Variants in NRXN2 observed in about 807,000 individuals in gnomAD.
The protein encoded by NRXN2 is neurexin-2-beta.
A neutral mutation model predicts 128.8 loss-of-function variants in NRXN2; 29 were observed. The observed-to-expected ratio is 0.23, with a 90% CI of 0.17 to 0.31. The LOEUF is 0.31. Among genes scored for constraint, NRXN2 ranks in the 10% least tolerant of loss-of-function variants. The pLI, the probability that NRXN2 is intolerant of heterozygous loss-of-function variation, is 1.00. For missense variants in NRXN2, 1,881 were observed against 2,452.6 expected, an observed-to-expected ratio of 0.77 and a Z score of 4.92; for synonymous variants, 1,098 against 1,075.2, an observed-to-expected ratio of 1.02 and a Z score of -0.41.
chr11:64,659,759 T>C (rs1346882061), intron 11 of NRXN2: 2 of 164,488 alleles, frequency 1.2e-5, no homozygotes, highest in South Asian at 1.6e-4. Context: ...TGAAAGCTCA[T>C]GGCACTAGAA....
At chr11:64,642,495 G>GC in intron 17 of NRXN2, 2 of 1,581,538 alleles carry the variant, frequency 1.3e-6, no homozygotes, top group African/African-American at 1.4e-5. Context: ...AGCGCCCCCC[G>GC]CCCCCGGGCC....
At chr11:64,719,674 G>A (rs888926026) in intron 1 of NRXN2, among the ~76,000 whole-genome samples, 13 of 152,198 alleles carry the variant, frequency 8.5e-5, no homozygotes, top group African/African-American at 2.9e-4. Flanking sequence ...CAGGTGCATG[G>A]GAGCATGGAG....
intron 3 of NRXN2, among the ~76,000 whole-genome samples, chr11:64,697,559 A>G (rs1376635098): frequency 6.6e-6 from 1 of 152,014 alleles, no homozygotes; most frequent in African/African-American, 2.4e-5. Flanking sequence ...GAGGGAAAGG[A>G]AGAAGAAAGG....
intron 7 of NRXN2, 57 bp from the exon 8 acceptor site, chr11:64,668,661 G>T: frequency 6.2e-7 from 1 of 1,602,624 alleles, no homozygotes. Flanking sequence ...CAAATCCCTA[G>T]GAAGAGCTAC....
At chr11:64,688,725 C>A in intron 5 of NRXN2, 2 of 985,306 alleles carry the variant, frequency 2.0e-6, no homozygotes, top group Non-Finnish European at 2.4e-6. Context: ...GTCTGTAGCC[C>A]TACAAGTGTC....
rs1038721557 is a variant in NRXN2, at chr11:64,622,076, G to C, written c.4173+677C>G. Among the ~76,000 whole-genome samples, 1 of 152,298 alleles carries C rather than the reference G, an allele frequency of 6.6e-6. No individual in the cohort carries two copies. Among genetic ancestry groups the C allele is most frequent in the Non-Finnish European group, 1.5e-5 (1 of 68,020 alleles). On this transcript the variant is annotated intron_variant, in intron 21 of 22. Transcript: ENST00000265459. This position sits in a 1 kb window ranked among gnomAD's most constrained non-coding sequence, Gnocchi z 4.3. Reference sequence around the variant, plus strand: ...GATCAGCAGGTGGGGTGAGCACCAGGGAACTGTCTGCACTGAGACCCCCTC... The same window carrying C: ...GATCAGCAGGTGGGGTGAGCACCAGCGAACTGTCTGCACTGAGACCCCCTC...
At chr11:64,710,669 G>C (rs1220665432) in intron 2 of NRXN2, among the ~76,000 whole-genome samples, 2 of 152,136 alleles carry the variant, frequency 1.3e-5, no homozygotes, top group African/African-American at 2.4e-5. Flanking sequence ...AGAGGAACCA[G>C]AGGATCAAAT....
intron 21 of NRXN2, 109 bp from the exon 22 acceptor site, chr11:64,620,481 A>ACGGACCAGACTGGTCTGAGT: frequency 6.0e-6 from 5 of 837,226 alleles, no homozygotes; most frequent in Non-Finnish European, 9.9e-6. Context: ...CTGGGCTGAG[A>ACGGACCAGACTGGTCTGAGT]CGGACCAGAC....
chr11:64,656,983 C>T (rs890713307), intron 11 of NRXN2, among the ~76,000 whole-genome samples: 4 of 152,002 alleles, frequency 2.6e-5, no homozygotes, highest in African/African-American at 9.7e-5. Context: ...AGTGGTCACC[C>T]GCAGCCTCCG....
rs1333912993 is a variant in NRXN2, at chr11:64,652,824, CA to C, written c.2417-671del. Among the ~76,000 whole-genome samples the C allele has an allele frequency of 8.5e-5, 13 of 152,232 alleles. No homozygotes were observed. In the East Asian group the frequency reaches 1.9e-3, roughly 23 times the overall value. On this transcript the variant is annotated intron_variant, in intron 12 of 22. Coordinates refer to ENST00000265459, the MANE Select transcript of NRXN2 (RefSeq NM_015080.4). ...GGTTCTGTTTCTTAGGAACTATGGC[CA>C]TTTACTCAAGACCAGGATTATCAGC...
At chr11:64,719,949 A>G (rs2057392177) in intron 1 of NRXN2, among the ~76,000 whole-genome samples, 1 of 152,228 alleles carries the variant, frequency 6.6e-6, no homozygotes, top group Non-Finnish European at 1.5e-5. Context: ...TCTTACAAAT[A>G]CCTCAAAGTA....
At chr11:64,671,749 TG>T (rs2050668475) in intron 7 of NRXN2, among the ~76,000 whole-genome samples, 1 of 151,616 alleles carries the variant, frequency 6.6e-6, no homozygotes, top group Non-Finnish European at 1.5e-5. Context: ...CTTCCGATGA[TG>T]GGGGGAAAGA....
Position 64,656,834 on chromosome 11 carries a change from G to C in NRXN2, c.2390-3112C>G, listed in dbSNP as rs74753329. 8.3e-3 allele frequency among the ~76,000 whole-genome samples: 1,260 copies of C among 152,318 alleles called. 20 individuals are homozygous for C. Among genetic ancestry groups the C allele is most frequent in the African/African-American group, 0.029 (1,207 of 41,558 alleles). ...CTTGCTCAGTGTTTGCAAACATAGT[G>C]GGGGCTGGGAAGCTGCAGCAGGAGG... On this transcript the variant is annotated intron_variant, in intron 11 of 22. Transcript: ENST00000265459.
chr11:64,641,591 T>G (rs1363681729), intron 17 of NRXN2, among the ~76,000 whole-genome samples: 2 of 150,880 alleles, frequency 1.3e-5, no homozygotes, highest in Admixed American at 1.3e-4. Flanking sequence ...AGAGATGGCA[T>G]GCAGAGAATC....
chr11:64,690,375 G>A, intron 5 of NRXN2, 30 bp downstream of exon 5: 1 of 1,599,066 alleles, frequency 6.3e-7, no homozygotes, highest in East Asian at 2.2e-5. Flanking sequence ...ATGAGGGCTG[G>A]GCTCTCTGGG....
intron 3 of NRXN2, among the ~76,000 whole-genome samples, chr11:64,696,564 C>CACACACACACACACACACA (rs1592182227): frequency 6.7e-6 from 1 of 150,312 alleles, no homozygotes; most frequent in South Asian, 2.1e-4. Flanking sequence ...CACACACACA[C>CACACACACACACACACACA]CTGCCTGCTG....
chr11:64,717,640 G>A (rs540147328), intron 1 of NRXN2, among the ~76,000 whole-genome samples: 4 of 152,168 alleles, frequency 2.6e-5, no homozygotes, highest in Non-Finnish European at 2.9e-5. Flanking sequence ...ATTTTCCCAC[G>A]GCGAGGCCAG....
intron 2 of NRXN2, among the ~76,000 whole-genome samples, chr11:64,702,040 C>T (rs1373932036): frequency 3.4e-5 from 5 of 149,242 alleles, no homozygotes; most frequent in African/African-American, 7.4e-5. Context: ...CCGCCCCGTC[C>T]GGGAGGTGAG....
chr11:64,652,139 G>A lies in NRXN2; in HGVS notation c.2432C>T (p.Thr811Met), dbSNP rs375234912. 4.6e-5 allele frequency: 74 copies of A among 1,612,732 alleles called. No homozygotes were observed. The highest frequency in any genetic ancestry group is 1.5e-4 in the African/African-American group (11 of 75,006). The change falls in exon 13 of 23, where the codon ACG becomes ATG. Residue 811 changes from threonine to methionine, a missense_variant. This residue lies in a region of NRXN2 where 997 missense variants were observed against 1,240.8 expected (regional missense o/e 0.80). Coordinates refer to ENST00000265459, the MANE Select transcript of NRXN2 (RefSeq NM_015080.4). ...ATTGAGCTTGTGCCCCGCAAACAGCGTTTCGGGGCCTTTACCTGCGGCACC... is the reference window on the plus strand; with the variant it reads ...ATTGAGCTTGTGCCCCGCAAACAGCATTTCGGGGCCTTTACCTGCGGCACC... ...VGCAPSKGPE[T>M]LFAGHKLNDN...
Sources: allele counts gnomAD v4.1 joint callset (sites outside exome capture counted in the v4.1 genomes callset), GRCh38; gene constraint gnomAD v4.1.1; regional missense constraint gnomAD v4.1.1; non-coding constraint Gnocchi (gnomAD v3.1); transcripts MANE v1.5; gene names NCBI Gene and HGNC (gene_info 2026-07-23, HGNC 2026-07-21).